Variants in AP2A2 observed in about 807,000 individuals in gnomAD.
AP2A2 encodes the protein AP-2 complex subunit alpha-2.
A neutral mutation model predicts 104.2 loss-of-function variants in AP2A2; 32 were observed. That is an observed-to-expected ratio of 0.31 (90% CI 0.23 to 0.41). The LOEUF is 0.41. Ranked by LOEUF, AP2A2 falls within the 10% of genes least tolerant of loss-of-function variation. The probability of loss-of-function intolerance (pLI) is 1.00; values close to 1 mark genes in which losing one functional copy is unlikely to be tolerated. For synonymous variants in AP2A2, 539 were observed against 533.3 expected (o/e 1.01, Z -0.15); for missense variants, 912 against 1,261.0 (o/e 0.72, Z 4.19).
chr11:942,116 G>A (rs553264547), intron 1 of AP2A2, among the ~76,000 whole-genome samples: 5 of 152,094 alleles, frequency 3.3e-5, no homozygotes, highest in East Asian at 1.9e-4. Context: ...TTAGTAGAGA[G>A]GGGGGTTTCA....
intron 4 of AP2A2, among the ~76,000 whole-genome samples, chr11:973,596 C>T (rs946810093): frequency 6.6e-6 from 1 of 151,960 alleles, no homozygotes; most frequent in Non-Finnish European, 1.5e-5. Flanking sequence ...TCAGGCCATT[C>T]AGTCATAGGT....
chr11:938,783 G>A (rs1417311616), intron 1 of AP2A2, among the ~76,000 whole-genome samples: 1 of 151,998 alleles, frequency 6.6e-6, no homozygotes, highest in Non-Finnish European at 1.5e-5. Context: ...CCAAATGTTT[G>A]TATGTTTTTA....
chr11:982,796 C>T (rs562224703), intron 6 of AP2A2, among the ~76,000 whole-genome samples: 193 of 151,398 alleles, frequency 1.3e-3, no homozygotes, highest in African/African-American at 4.6e-3. Flanking sequence ...GATTAACAGG[C>T]GCCCGCCAGC....
At chr11:960,522 GC>G (rs1466504548) in intron 2 of AP2A2, among the ~76,000 whole-genome samples, 4 of 152,248 alleles carry the variant, frequency 2.6e-5, no homozygotes, top group African/African-American at 9.6e-5. Flanking sequence ...ACAGGCATGA[GC>G]CACTGTGCCC....
Position 992,978 on chromosome 11 carries a change from G to A in AP2A2, c.1452+293G>A, listed in dbSNP as rs959080465. 3.9e-5 allele frequency among the ~76,000 whole-genome samples: 6 copies of A among 152,322 alleles called. No individual in the cohort carries two copies. Among genetic ancestry groups the A allele is most frequent in the South Asian group, 2.1e-4 (1 of 4,822 alleles). On this transcript the variant is annotated intron_variant, in intron 11 of 21. Transcript: ENST00000448903. The surrounding 1 kb of genome is among the most constrained non-coding windows in gnomAD (Gnocchi z 6.4). ...TGCCGTGGTGGGGCCTGCCCTGTCC[G>A]TCGGAGAGGGTTAGGCCACCGGCAA... is the stretch of plus-strand genomic sequence containing the variant.
At chr11:991,594 C>T (rs954894695) in intron 10 of AP2A2, among the ~76,000 whole-genome samples, 2 of 151,998 alleles carry the variant, frequency 1.3e-5, no homozygotes, top group South Asian at 4.2e-4. Flanking sequence ...CCCTGGTGCA[C>T]AGCCGTGAGC....
At chr11:936,925 C>T (rs1471648958) in intron 1 of AP2A2, among the ~76,000 whole-genome samples, 3 of 152,068 alleles carry the variant, frequency 2.0e-5, no homozygotes, top group Admixed American at 6.6e-5. Flanking sequence ...GTTTTTCCTC[C>T]GGCTGCTGGG....
chr11:1,000,337 G>C (rs1243210320), intron 14 of AP2A2, 95 bp from the exon 15 acceptor site: 2 of 1,272,196 alleles, frequency 1.6e-6, no homozygotes, highest in Non-Finnish European at 2.2e-6. Flanking sequence ...GGATGCCAAG[G>C]GGGTGCCATG....
Position 968,755 on chromosome 11 carries a change from C to T in AP2A2, c.137-1414C>T, listed in dbSNP as rs1202123969. Among the ~76,000 whole-genome samples the T allele has an allele frequency of 6.7e-6, 1 of 149,772 alleles. No homozygotes were observed. The highest frequency in any genetic ancestry group is 2.5e-5 in the African/African-American group (1 of 40,574). On this transcript the variant is annotated intron_variant, in intron 2 of 21. Coordinates refer to ENST00000448903, the MANE Select transcript of AP2A2 (RefSeq NM_012305.4). The surrounding 1 kb of genome is among the most constrained non-coding windows in gnomAD (Gnocchi z 4.2). ...ACGGAGAACGTGTCTGCTGGGACCCCTTGGGCACAGCAAGCAGATAAGTGG... is the reference window on the plus strand; with the variant it reads ...ACGGAGAACGTGTCTGCTGGGACCCTTTGGGCACAGCAAGCAGATAAGTGG...
In AP2A2 at chr11:985,657, C is replaced by A. The variant is rs562827195; in HGVS notation, c.962+75C>A. The A allele has an allele frequency of 5.1e-6, 8 of 1,583,448 alleles. No individual in the cohort carries two copies. The East Asian group carries it at 1.6e-4, about 32-fold the overall frequency. On this transcript the variant is annotated intron_variant, in intron 8 of 21. Coordinates refer to ENST00000448903, the MANE Select transcript of AP2A2 (RefSeq NM_012305.4). ...TCCTTCTCGTTGGCACGAGACTGGG[C>A]GGATCATGTCTGGTTTGTCCACTCC...
intron 17 of AP2A2, 53 bp from the exon 18 acceptor site, chr11:1,007,959 G>A (rs1856265324): frequency 7.7e-6 from 12 of 1,550,490 alleles, no homozygotes; most frequent in Admixed American, 3.9e-5. Flanking sequence ...AGCCCGGCCC[G>A]TTTCCGCTTC....
intron 4 of AP2A2, 132 bp from the exon 5 acceptor site, chr11:976,963 C>T (rs1051312771): frequency 1.6e-5 from 20 of 1,242,674 alleles, no homozygotes; most frequent in Admixed American, 9.4e-5. Context: ...CCTCGGCAGG[C>T]GGCCCTGAGT....
At chr11:1,002,003 G>A (rs975302816) in intron 15 of AP2A2, among the ~76,000 whole-genome samples, 2 of 152,204 alleles carry the variant, frequency 1.3e-5, no homozygotes, top group Non-Finnish European at 2.9e-5. Context: ...GTGGCTGCTG[G>A]CACACGGCTC....
chr11:966,825 G>T (rs1465255957), intron 2 of AP2A2, among the ~76,000 whole-genome samples: 1 of 152,124 alleles, frequency 6.6e-6, no homozygotes, highest in African/African-American at 2.4e-5. Flanking sequence ...GGAGGCTCTG[G>T]TTCCTGACTC....
chr11:977,056 T>C, intron 4 of AP2A2, 39 bp from the exon 5 acceptor site: 1 of 1,611,976 alleles, frequency 6.2e-7, no homozygotes, highest in South Asian at 1.1e-5. Context: ...TGCGCTGTCT[T>C]CAGCCTGTTG....
intron 2 of AP2A2, among the ~76,000 whole-genome samples, chr11:963,573 G>A (rs909095908): frequency 6.6e-6 from 1 of 152,206 alleles, no homozygotes; most frequent in African/African-American, 2.4e-5. Context: ...TGAGGCTGCT[G>A]TGTGAGCACT....
At chr11:960,172 G>T (rs1420102628) in intron 2 of AP2A2, among the ~76,000 whole-genome samples, 5 of 152,096 alleles carry the variant, frequency 3.3e-5, no homozygotes, top group Admixed American at 2.0e-4. Flanking sequence ...AACACAGCTT[G>T]GGGACAACTG....
intron 7 of AP2A2, 122 bp downstream of exon 7, chr11:984,875 G>A (rs1855398939): frequency 1.2e-6 from 1 of 860,008 alleles, no homozygotes; most frequent in Admixed American, 2.0e-5. Context: ...TTGATTCATG[G>A]ACCTTTCTGC....
chr11:977,045 C>G (rs776199398), intron 4 of AP2A2, 50 bp from the exon 5 acceptor site: 6 of 1,609,328 alleles, frequency 3.7e-6, no homozygotes, highest in African/African-American at 1.3e-5. Flanking sequence ...CCGTGCAGCT[C>G]TGCGCTGTCT....
Sources: gnomAD v4.1 joint callset for allele counts (sites outside exome capture counted in the v4.1 genomes callset) on GRCh38, gnomAD v4.1.1 for gene constraint, Gnocchi (gnomAD v3.1) non-coding constraint, MANE v1.5 for transcripts, NCBI Gene and HGNC (gene_info 2026-07-23, HGNC 2026-07-21) for gene names.